The following ADARB2 variants were observed in gnomAD, a reference collection of about 807,000 sequenced individuals.
The protein encoded by ADARB2 is adenosine deaminase RNA specific B2 (inactive), also known as inactive double-stranded RNA-specific editase B2.
Under a neutral mutation model 62.2 loss-of-function variants are expected in ADARB2, and 25 were observed. The ratio of observed to expected loss-of-function variants is 0.40; its 90% CI spans 0.29 to 0.56. The LOEUF (loss-of-function observed/expected upper bound fraction) is 0.56, where lower values mean the gene tolerates loss of function less well. Ranked by LOEUF, ADARB2 falls within the 20% of genes least tolerant of loss-of-function variation. The pLI is 0.43. For missense variants in ADARB2, 1,071 were observed against 1,077.4 expected, an observed-to-expected ratio of 0.99 and a Z score of 0.08; for synonymous variants, 572 against 500.8, an observed-to-expected ratio of 1.14 and a Z score of -1.90.
At chr10:1,571,800 G>A (rs1319140419) in intron 1 of ADARB2, among the ~76,000 whole-genome samples, 1 of 68,696 alleles carries the variant, frequency 1.5e-5, no homozygotes, top group African/African-American at 1.0e-4. Context: ...CTGGTGAGTG[G>A]ACAGGTGAGT....
chr10:1,656,929 A>C (rs942259057), intron 1 of ADARB2, among the ~76,000 whole-genome samples: 1 of 152,118 alleles, frequency 6.6e-6, no homozygotes, highest in Admixed American at 6.6e-5. Flanking sequence ...AAATTCCTTC[A>C]AAGATAAGAT....
intron 1 of ADARB2, among the ~76,000 whole-genome samples, chr10:1,618,618 G>A (rs1430836229): frequency 6.6e-6 from 1 of 151,914 alleles, no homozygotes; most frequent in East Asian, 1.9e-4. Flanking sequence ...AATATTGGCT[G>A]ACTGCAACCT....
chr10:1,670,010 C>G (rs184723555), intron 1 of ADARB2, among the ~76,000 whole-genome samples: 1 of 152,358 alleles, frequency 6.6e-6, no homozygotes, highest in Non-Finnish European at 1.5e-5. Flanking sequence ...CGTGTGGGTA[C>G]AGGGCGTCTG....
chr10:1,357,361 G>A (rs949826904), intron 3 of ADARB2, among the ~76,000 whole-genome samples: 4 of 152,134 alleles, frequency 2.6e-5, no homozygotes, highest in African/African-American at 9.7e-5. Context: ...GAGGGAGGTT[G>A]GTGGGCACAG....
At chr10:1,462,475 G>A (rs986271735) in intron 1 of ADARB2, among the ~76,000 whole-genome samples, 19 of 152,258 alleles carry the variant, frequency 1.2e-4, no homozygotes, top group Non-Finnish European at 1.9e-4. Flanking sequence ...TGAGGCTGGG[G>A]GCTTGAGAGT....
At chr10:1,417,910 G>A (rs1832818569) in intron 1 of ADARB2, among the ~76,000 whole-genome samples, 1 of 152,258 alleles carries the variant, frequency 6.6e-6, no homozygotes, top group Admixed American at 6.5e-5. Context: ...GCAGACGCCA[G>A]GGTGCATGGG....
In ADARB2 at chr10:1,589,918, C is replaced by A. The variant is rs557853338; in HGVS notation, c.100+147133G>T. Among the ~76,000 whole-genome samples the A allele has an allele frequency of 2.0e-5, 3 of 152,332 alleles. No homozygotes were observed. In the South Asian group the frequency reaches 6.2e-4, roughly 32 times the overall value. ...AACTCCTGACCTCAGGTGATGCACC[C>A]GCCTTGGCCTCCCAAAGTGTCAAGT... On this transcript the variant is annotated intron_variant, in intron 1 of 9. Transcript: ENST00000381312.
chr10:1,710,751 A>C (rs976488668), intron 1 of ADARB2, among the ~76,000 whole-genome samples: 2 of 152,236 alleles, frequency 1.3e-5, no homozygotes, highest in African/African-American at 4.8e-5. Context: ...GCAGCCTCTC[A>C]GCTTTCACAC....
At chr10:1,658,978 A>G (rs1236657827) in intron 1 of ADARB2, among the ~76,000 whole-genome samples, 2 of 152,214 alleles carry the variant, frequency 1.3e-5, no homozygotes, top group African/African-American at 4.8e-5. Flanking sequence ...GTTCTGTTCA[A>G]TTGAATTCAC....
At chr10:1,551,760 A>G (rs1013352267) in intron 1 of ADARB2, among the ~76,000 whole-genome samples, 1 of 152,224 alleles carries the variant, frequency 6.6e-6, no homozygotes, top group Non-Finnish European at 1.5e-5. Context: ...CCCCAGGTCC[A>G]GCGATGGCCA....
intron 3 of ADARB2, chr10:1,293,017 G>GGAA (rs1343723201): frequency 9.7e-5 from 6 of 61,644 alleles, no homozygotes; most frequent in African/African-American, 4.4e-4. Context: ...AGAGAGGGAG[G>GGAA]GGAGAGAGAG....
intron 1 of ADARB2, among the ~76,000 whole-genome samples, chr10:1,703,156 T>C (rs1325866344): frequency 6.6e-6 from 1 of 152,052 alleles, no homozygotes; most frequent in African/African-American, 2.4e-5. Flanking sequence ...GTTCTCCAGA[T>C]ACAGCAATTA....
intron 3 of ADARB2, among the ~76,000 whole-genome samples, chr10:1,282,700 T>C (rs1260128352): frequency 6.6e-6 from 1 of 152,234 alleles, no homozygotes; most frequent in African/African-American, 2.4e-5. Flanking sequence ...GAGAAGCAGC[T>C]AAAGTGCTCA....
intron 1 of ADARB2, among the ~76,000 whole-genome samples, chr10:1,413,414 C>G (rs572025946): frequency 6.6e-6 from 1 of 152,160 alleles, no homozygotes; most frequent in Non-Finnish European, 1.5e-5. Flanking sequence ...CCCAAGCTCT[C>G]GGTCTTGAAT....
chr10:1,694,577 C>G (rs1478354128), intron 1 of ADARB2, among the ~76,000 whole-genome samples: 2 of 152,178 alleles, frequency 1.3e-5, no homozygotes, highest in Non-Finnish European at 2.9e-5. Flanking sequence ...TGGCCCCATT[C>G]AGGGGAATGG....
At chr10:1,492,470 A>G (rs1831634546) in intron 1 of ADARB2, among the ~76,000 whole-genome samples, 1 of 152,156 alleles carries the variant, frequency 6.6e-6, no homozygotes, top group Non-Finnish European at 1.5e-5. Flanking sequence ...AGGAGCAGGA[A>G]GGATCATCCC....
At chr10:1,327,967 T>TCCTCACAGCA (rs1564258874) in intron 3 of ADARB2, among the ~76,000 whole-genome samples, 2 of 138,550 alleles carry the variant, frequency 1.4e-5, no homozygotes, top group Non-Finnish European at 3.2e-5. Context: ...TCACCAGTAC[T>TCCTCACAGCA]CAGCGCCTCC....
At chr10:1,722,263 C>T (rs1648968896) in intron 1 of ADARB2, among the ~76,000 whole-genome samples, 1 of 152,196 alleles carries the variant, frequency 6.6e-6, no homozygotes, top group African/African-American at 2.4e-5. Context: ...AATGTCCTGG[C>T]TATTATTGTG....
chr10:1,266,019 G>C (rs1396038185), intron 4 of ADARB2, among the ~76,000 whole-genome samples: 1 of 128,712 alleles, frequency 7.8e-6, no homozygotes, highest in Non-Finnish European at 1.7e-5. Flanking sequence ...CGGCCTGAGA[G>C]GGGGGCCCAG....
Sources: gnomAD v4.1 joint callset for allele counts (sites outside exome capture counted in the v4.1 genomes callset) on GRCh38, gnomAD v4.1.1 for gene constraint, MANE v1.5 for transcripts, NCBI Gene and HGNC (gene_info 2026-07-23, HGNC 2026-07-21) for gene names.